PCDHGA3: variants seen among roughly 807,000 people sequenced by gnomAD.
The protein encoded by PCDHGA3 is protocadherin gamma subfamily A, 3.
Under a neutral mutation model 58.5 loss-of-function variants are expected in PCDHGA3, and 40 were observed. That is an observed-to-expected ratio of 0.68 (90% confidence interval 0.53 to 0.89). The LOEUF (loss-of-function observed/expected upper bound fraction) is 0.89, where lower values mean the gene tolerates loss of function less well. Ranked by LOEUF, PCDHGA3 falls within the 40% of genes least tolerant of loss-of-function variation. PCDHGA3 has a pLI of 0.00. For synonymous variants in PCDHGA3, 530 were observed against 525.7 expected (o/e 1.01, Z -0.11); for missense variants, 1,223 against 1,195.9 (o/e 1.02, Z -0.33).
At chr5:141,403,662 A>T in intron 1 of PCDHGA3, 1 of 1,613,902 alleles carries the variant, frequency 6.2e-7, no homozygotes, top group Non-Finnish European at 8.5e-7. Context: ...GATACAAATG[A>T]TAATGCCCCG....
intron 1 of PCDHGA3, chr5:141,441,249 TA>T (rs981387539): frequency 6.6e-6 from 1 of 152,206 alleles, no homozygotes; most frequent in Non-Finnish European, 1.5e-5. Context: ...ACAAGATCTT[TA>T]AATCACAAGA....
At chr5:141,444,834 A>G (rs892892307) in intron 1 of PCDHGA3, among the ~76,000 whole-genome samples, 1 of 152,132 alleles carries the variant, frequency 6.6e-6, no homozygotes, top group African/African-American at 2.4e-5. Context: ...TTGTAGCTTT[A>G]TAGTAAGTCT....
At position 141,433,030 on chromosome 5, in the gene PCDHGA3, T is replaced by C. The variant is rs116611363; in HGVS notation, c.2425-61777T>C. ...TCCTGCAGACCTATTCCCACGAGGTTTCCCTCACCACGGACTCGCGGAAGA... is the reference window on the plus strand; with the variant it reads ...TCCTGCAGACCTATTCCCACGAGGTCTCCCTCACCACGGACTCGCGGAAGA... On this transcript the variant is annotated intron_variant, in intron 1 of 3. Transcript: ENST00000253812. 10,352 of 1,614,096 alleles carry C rather than the reference T, an allele frequency of 6.4e-3. 43 individuals are homozygous for C. The highest frequency in any genetic ancestry group is 8.6e-3 in the Middle Eastern group (52 of 6,062).
intron 1 of PCDHGA3, among the ~76,000 whole-genome samples, chr5:141,467,116 A>T (rs981562543): frequency 2.0e-5 from 3 of 150,560 alleles, no homozygotes; most frequent in Non-Finnish European, 4.4e-5. Flanking sequence ...ACAATGGTGC[A>T]ATCTCAGCTC....
At chr5:141,484,352 T>A (rs112226980) in intron 1 of PCDHGA3, among the ~76,000 whole-genome samples, 8,127 of 152,270 alleles carry the variant, frequency 0.053, 445 homozygotes, top group African/African-American at 0.15. Context: ...TAATTTAGTG[T>A]ATCTAGTGTA....
intron 1 of PCDHGA3, chr5:141,375,994 G>T (rs553803944): frequency 1.2e-6 from 2 of 1,613,410 alleles, no homozygotes; most frequent in East Asian, 2.2e-5. Context: ...ACAGAGACGC[G>T]CTCAAGCAGA....
chr5:141,418,282 A>C, intron 1 of PCDHGA3: 1 of 1,614,030 alleles, frequency 6.2e-7, no homozygotes, highest in Non-Finnish European at 8.5e-7. Flanking sequence ...TAAACTTAGA[A>C]ATCAGTGAAT....
chr5:141,490,941 A>G lies in PCDHGA3; in HGVS notation c.2425-3866A>G. The G allele has an allele frequency of 6.2e-7, 1 of 1,613,628 alleles. No homozygotes were observed. The highest frequency in any genetic ancestry group is 8.5e-7 in the Non-Finnish European group (1 of 1,179,772). On this transcript the variant is annotated intron_variant, in intron 1 of 3. Coordinates refer to ENST00000253812, the MANE Select transcript of PCDHGA3 (RefSeq NM_018916.4). The surrounding 1 kb of genome is among the most constrained non-coding windows in gnomAD (Gnocchi z 5.4). ...ATAATGCCCCAGCTGTGCTGCACCC[A>G]CGGCCAGACTGGGAACACTCAGCCC... is the stretch of plus-strand genomic sequence containing the variant.
intron 1 of PCDHGA3, among the ~76,000 whole-genome samples, chr5:141,482,385 A>T (rs1238551737): frequency 6.6e-6 from 1 of 152,210 alleles, no homozygotes; most frequent in Non-Finnish European, 1.5e-5. Context: ...AAGTCCCTGT[A>T]TGGAGCAAGT....
Position 141,464,284 on chromosome 5 carries a change from A to C in PCDHGA3, c.2425-30523A>C, listed in dbSNP as rs1237360752. ...CGTCTAAAAAAAAAAAAAAGCAAAA[A>C]AAAAAACTCCATTGTATGTGCACAT... On this transcript the variant is annotated intron_variant, in intron 1 of 3. Coordinates refer to ENST00000253812, the MANE Select transcript of PCDHGA3 (RefSeq NM_018916.4). 4.0e-5 allele frequency among the ~76,000 whole-genome samples: 6 copies of C among 151,546 alleles called. No individual in the cohort carries two copies. The South Asian group carries it at 1.0e-3, about 26-fold the overall frequency.
intron 1 of PCDHGA3, chr5:141,361,155 C>G (rs760085788): frequency 1.2e-6 from 2 of 1,613,954 alleles, no homozygotes; most frequent in East Asian, 4.5e-5. Flanking sequence ...TTCTTGATGA[C>G]AACGATTGTG....
rs752736828 is a variant in PCDHGA3 at position 141,344,572 on chromosome 5, T to C, written c.539T>C (p.Leu180Pro). ...CTTAGCCCCAATGACTACTTCTCTC[T>C]GGCTGTGAATAGCGTCTCTGAGGGG... ...YKLSPNDYFS[L>P]AVNSVSEGAK... Residue 180 changes from leucine to proline, a missense_variant, in exon 1 of 4, where the codon CTG becomes CCG. Transcript: ENST00000253812. The C allele has an allele frequency of 1.9e-6, 3 of 1,613,910 alleles. No homozygotes were observed. The highest frequency in any genetic ancestry group is 2.7e-5 in the African/African-American group (2 of 74,934).
At chr5:141,409,904 G>A in intron 1 of PCDHGA3, 3 of 1,613,278 alleles carry the variant, frequency 1.9e-6, no homozygotes, top group Non-Finnish European at 2.5e-6. Flanking sequence ...CCCAGCTCTG[G>A]GTCCTGACGG....
At chr5:141,415,342 T>C (rs1305683222) in intron 1 of PCDHGA3, 2 of 1,614,108 alleles carry the variant, frequency 1.2e-6, no homozygotes, top group African/African-American at 2.7e-5. Context: ...GCTGCGGCGC[T>C]GGCACAAGTC....
intron 1 of PCDHGA3, chr5:141,393,090 G>T: frequency 6.2e-7 from 1 of 1,613,626 alleles, no homozygotes; most frequent in South Asian, 1.1e-5. Flanking sequence ...GATAGATCGG[G>T]AGGAGCTCTG....
At chr5:141,460,043 A>G (rs527752346) in intron 1 of PCDHGA3, among the ~76,000 whole-genome samples, 1 of 152,276 alleles carries the variant, frequency 6.6e-6, no homozygotes, top group South Asian at 2.1e-4. Context: ...GCACCACTGC[A>G]CTCCAGCCTG....
Position 141,422,468 on chromosome 5 carries a change from A to T in PCDHGA3, c.2425-72339A>T, listed in dbSNP as rs555211298. On this transcript the variant is annotated intron_variant, in intron 1 of 3. Transcript: ENST00000253812. ...ATAACAAGCAGAGTGCTGGACAGGG[A>T]GTTGGTCCAGAGCTACAATATAACG... 59 of 1,613,640 alleles carry T rather than the reference A, an allele frequency of 3.7e-5. No homozygotes were observed. In the South Asian group the frequency reaches 4.7e-4, roughly 13 times the overall value.
chr5:141,502,470 G>A (rs1017558920), intron 2 of PCDHGA3, among the ~76,000 whole-genome samples: 5 of 150,916 alleles, frequency 3.3e-5, no homozygotes, highest in Admixed American at 2.6e-4. Flanking sequence ...AATACTTCCC[G>A]CAGCATCACA....
rs773601370 is a variant in PCDHGA3, at chr5:141,355,595, G to A, written c.2424+9138G>A. On this transcript the variant is annotated intron_variant, in intron 1 of 3. Transcript: ENST00000253812. Reference sequence around the variant, plus strand: ...ATCGATGTTAATGATAACCCACCCAGTTTTGGGACAGAACAGAGGGAAATA... The same window carrying A: ...ATCGATGTTAATGATAACCCACCCAATTTTGGGACAGAACAGAGGGAAATA... The A allele has an allele frequency of 2.2e-5, 35 of 1,613,884 alleles. No individual in the cohort carries two copies. Among genetic ancestry groups the A allele is most frequent in the Non-Finnish European group, 2.9e-5 (34 of 1,179,882 alleles).
Sources: allele counts gnomAD v4.1 joint callset (sites outside exome capture counted in the v4.1 genomes callset), GRCh38; gene constraint gnomAD v4.1.1; non-coding constraint Gnocchi (gnomAD v3.1); transcripts MANE v1.5; gene names NCBI Gene and HGNC (gene_info 2026-07-23, HGNC 2026-07-21).